LOXHD1: variants seen among roughly 807,000 people sequenced by gnomAD.
LOXHD1 encodes lipoxygenase homology domain-containing protein 1.
In LOXHD1, 205 loss-of-function variants were observed where a neutral mutation model predicts 248.2. The ratio of observed to expected loss-of-function variants is 0.83; its 90% CI spans 0.74 to 0.93. The LOEUF (loss-of-function observed/expected upper bound fraction) is 0.93. LOXHD1 is among the 40% of genes least tolerant of loss of function. LOXHD1 has a pLI of 0.00. For missense variants in LOXHD1, 2,930 were observed against 2,971.6 expected (o/e 0.99, Z 0.33); for synonymous variants, 1,113 against 1,162.8 (o/e 0.96, Z 0.87).
Position 46,601,453 on chromosome 18 carries a change from CA to C in LOXHD1, c.897del (p.Ile299MetfsTer60). 1 of 1,551,754 alleles carries C rather than the reference CA, an allele frequency of 6.4e-7. No individual in the cohort carries two copies. The highest frequency in any genetic ancestry group is 8.7e-7 in the Non-Finnish European group (1 of 1,147,020). On this transcript the variant is annotated frameshift_variant, in exon 8 of 41. Transcript: ENST00000642948. LOFTEE classifies it high-confidence loss of function. ...GGAETTAITY[I>X]VTVFTGDVRG... is the part of the protein sequence containing the mutation. ...CGGACATCCCCAGTGAAGACGGTGA[CA>C]ATATACGTAATAGCTGGTGTGGAAA...
intron 10 of LOXHD1, 33 bp downstream of exon 10, chr18:46,593,567 T>C (rs759747433): frequency 1.3e-6 from 2 of 1,549,466 alleles, no homozygotes; most frequent in South Asian, 2.4e-5. Flanking sequence ...CCTTCCTCCT[T>C]TCTCCCTCCC....
At chr18:46,603,085 G>C (rs1157923201) in intron 7 of LOXHD1, among the ~76,000 whole-genome samples, 1 of 152,116 alleles carries the variant, frequency 6.6e-6, no homozygotes, top group African/African-American at 2.4e-5. Flanking sequence ...TTAGGCTTCT[G>C]AACAGCAGCA....
intron 25 of LOXHD1, among the ~76,000 whole-genome samples, chr18:46,540,189 T>G (rs1485068189): frequency 6.6e-6 from 1 of 152,156 alleles, no homozygotes; most frequent in Non-Finnish European, 1.5e-5. Context: ...AGTCACATGG[T>G]AGAACTTGAA....
chr18:46,502,773 C>G lies in LOXHD1; in HGVS notation c.5878+3065G>C, dbSNP rs1458689487. Among the ~76,000 whole-genome samples, 5 of 152,294 alleles carry G rather than the reference C, an allele frequency of 3.3e-5. No homozygotes were observed. In the East Asian group the frequency reaches 9.7e-4, roughly 29 times the overall value. On this transcript the variant is annotated intron_variant, in intron 37 of 40. Transcript: ENST00000642948. Reference sequence around the variant, plus strand: ...TAAAACACTCATATTGTAAATGGCTCTGGCATGGAAAAGTTGGGTCATCAT... The same window carrying G: ...TAAAACACTCATATTGTAAATGGCTGTGGCATGGAAAAGTTGGGTCATCAT...
At chr18:46,587,243 A>C (rs542122808) in intron 12 of LOXHD1, among the ~76,000 whole-genome samples, 4 of 152,216 alleles carry the variant, frequency 2.6e-5, no homozygotes, top group Admixed American at 2.0e-4. Context: ...GAATGGTCCA[A>C]CGTATCAACA....
At chr18:46,490,267 G>A (rs1270435856) in intron 37 of LOXHD1, among the ~76,000 whole-genome samples, 3 of 152,170 alleles carry the variant, frequency 2.0e-5, no homozygotes, top group African/African-American at 7.2e-5. Context: ...CAAAAAGATA[G>A]ACACACACTT....
At chr18:46,611,279 G>T (rs987872642) in intron 5 of LOXHD1, among the ~76,000 whole-genome samples, 4 of 152,190 alleles carry the variant, frequency 2.6e-5, no homozygotes, top group African/African-American at 9.7e-5. Flanking sequence ...AGGGGCTGTC[G>T]GTATTCAGCC....
rs769490340 is a variant in LOXHD1 at position 46,477,654 on chromosome 18, C to T, written c.6640G>A (p.Gly2214Ser). 2.0e-4 allele frequency: 308 copies of T among 1,551,714 alleles called. No individual in the cohort carries two copies. Among genetic ancestry groups the T allele is most frequent in the Non-Finnish European group, 2.5e-4 (286 of 1,147,042 alleles). ...DRFFLETLELGELRKVRLEHD... is the reference protein window; with the variant it reads ...DRFFLETLELSELRKVRLEHD... ...TCCAGGCGCACCTTGCGCAGCTCACCCAGCTCCAGCGTCTCCAGGAAGAAG... is the reference window on the plus strand; with the variant it reads ...TCCAGGCGCACCTTGCGCAGCTCACTCAGCTCCAGCGTCTCCAGGAAGAAG... Residue 2214 changes from glycine (G) to serine (S), a missense_variant, in exon 41 of 41, where the codon GGT becomes AGT. By Grantham distance (56) the Gly-to-Ser change is moderately conservative. Transcript: ENST00000642948.
At chr18:46,587,807 C>T (rs963269794) in intron 12 of LOXHD1, among the ~76,000 whole-genome samples, 12 of 152,222 alleles carry the variant, frequency 7.9e-5, no homozygotes, top group African/African-American at 2.9e-4. Context: ...TGTCATGTAG[C>T]TCCTGAGGGA....
Position 46,505,945 on chromosome 18 carries a change from G to T in LOXHD1, c.5771C>A (p.Ser1924Ter). ...GDSGTLALKQSANWNKFERNN... is the reference protein window; with the variant it reads ...GDSGTLALKQ Reference sequence around the variant, plus strand: ...CCGCTCAAACTTGTTCCAGTTTGCCGACTGCTTCAGGGCCAGTGTCCCACT... The same window carrying T: ...CCGCTCAAACTTGTTCCAGTTTGCCTACTGCTTCAGGGCCAGTGTCCCACT... Residue 1924 changes from serine to a stop codon, truncating the protein, a stop_gained, in exon 37 of 41, where the codon TCG becomes TAG. Coordinates refer to ENST00000642948, the MANE Select transcript of LOXHD1 (RefSeq NM_001384474.1). LOFTEE classifies it high-confidence loss of function. The T allele has an allele frequency of 6.4e-7, 1 of 1,552,138 alleles. No homozygotes were observed. Among genetic ancestry groups the T allele is most frequent in the Non-Finnish European group, 8.7e-7 (1 of 1,147,088 alleles).
rs2036582617 is a variant in LOXHD1 at position 46,541,999 on chromosome 18, G to A, written c.3749-59C>T. The A allele has an allele frequency of 3.4e-6, 5 of 1,471,508 alleles. No individual in the cohort carries two copies. The African/African-American group carries it at 7.1e-5, about 21-fold the overall frequency. 91.2% of individuals were successfully genotyped at this position (1,471,508 alleles called of 1,614,324 possible). On this transcript the variant is annotated intron_variant, in intron 24 of 40. Transcript: ENST00000642948. Reference sequence around the variant, plus strand: ...ACCTGAGCAGAGATGATTTCCTGTGGGTAACTTCAGGGACTCCTGACTTCC... The same window carrying A: ...ACCTGAGCAGAGATGATTTCCTGTGAGTAACTTCAGGGACTCCTGACTTCC...
intron 5 of LOXHD1, among the ~76,000 whole-genome samples, chr18:46,612,411 G>C (rs1027971184): frequency 1.1e-4 from 16 of 152,108 alleles, no homozygotes; most frequent in African/African-American, 3.4e-4. Context: ...TTTTTATTCA[G>C]TGTGTACCCA....
Position 46,485,220 on chromosome 18 carries a change from A to C in LOXHD1, c.6050-69T>G, listed in dbSNP as rs1044315191. The C allele has an allele frequency of 2.3e-5, 35 of 1,508,798 alleles. No individual in the cohort carries two copies. In the Admixed American group the frequency reaches 4.8e-4, roughly 21 times the overall value. 93.5% of individuals were successfully genotyped at this position (1,508,798 alleles called of 1,614,324 possible). On this transcript the variant is annotated intron_variant, in intron 38 of 40. Transcript: ENST00000642948. ...TGCCCGTCTTCAGGGCGGGAGCAAG[A>C]GGGTCACGGCCTCCGGTCCTTCATT...
chr18:46,555,542 C>T (rs2037290581), intron 21 of LOXHD1, among the ~76,000 whole-genome samples: 1 of 152,110 alleles, frequency 6.6e-6, no homozygotes, highest in South Asian at 2.1e-4. Flanking sequence ...CAGAGGGGAG[C>T]CCAACAAGTC....
chr18:46,551,624 A>G (rs1178227075), intron 21 of LOXHD1, among the ~76,000 whole-genome samples: 1 of 152,108 alleles, frequency 6.6e-6, no homozygotes, highest in Non-Finnish European at 1.5e-5. Context: ...ATTTTTTTTC[A>G]GAGTGGCCAA....
chr18:46,513,644 T>C (rs533551103), intron 34 of LOXHD1, among the ~76,000 whole-genome samples: 19 of 152,296 alleles, frequency 1.2e-4, no homozygotes, highest in African/African-American at 4.6e-4. Flanking sequence ...GAGTGGATTC[T>C]CTCCCAGAGC....
chr18:46,520,775 T>C (rs938531137), intron 33 of LOXHD1: 1 of 297,324 alleles, frequency 3.4e-6, no homozygotes, highest in Non-Finnish European at 6.3e-6. Flanking sequence ...TCTTCATGAA[T>C]TGTGATCTCA....
chr18:46,625,832 C>T (rs2038734423), intron 4 of LOXHD1, among the ~76,000 whole-genome samples: 1 of 152,192 alleles, frequency 6.6e-6, no homozygotes, highest in Admixed American at 6.5e-5. Flanking sequence ...TCCTCCTTTG[C>T]TTCCTTTCCT....
chr18:46,552,628 A>G (rs78205164), intron 21 of LOXHD1, among the ~76,000 whole-genome samples: 35,979 of 151,968 alleles, frequency 0.24, 4,592 homozygotes, highest in Middle Eastern at 0.37. Flanking sequence ...AGGCCTCCAC[A>G]GCTTTATATC....
Sources: gnomAD v4.1 joint callset for allele counts (sites outside exome capture counted in the v4.1 genomes callset) on GRCh38, gnomAD v4.1.1 for gene constraint, MANE v1.5 for transcripts, NCBI Gene and HGNC (gene_info 2026-07-23, HGNC 2026-07-21) for gene names.